Variants in CAPN13 observed in about 807,000 individuals in gnomAD.
CAPN13 encodes the protein calpain-13.
In CAPN13, 90 loss-of-function variants were observed where a neutral mutation model predicts 98.4. That is an observed-to-expected ratio of 0.92 (90% confidence interval 0.77 to 1.09). The LOEUF (loss-of-function observed/expected upper bound fraction) is 1.09, where lower values mean the gene tolerates loss of function less well. Among genes scored for constraint, CAPN13 ranks in the 50% least tolerant of loss-of-function variants. The pLI is 0.00. For synonymous variants in CAPN13, 330 were observed against 305.5 expected (o/e 1.08, Z -0.84); for missense variants, 887 against 841.3 (o/e 1.05, Z -0.67).
chr2:30,737,833 C>A, intron 17 of CAPN13: 1 of 216,498 alleles, frequency 4.6e-6, no homozygotes, highest in Non-Finnish European at 9.5e-6. Context: ...GCTCCAACTT[C>A]AAATCTGAGC....
intron 5 of CAPN13, among the ~76,000 whole-genome samples, chr2:30,765,748 C>T (rs1673077204): frequency 6.6e-6 from 1 of 152,212 alleles, no homozygotes; most frequent in Non-Finnish European, 1.5e-5. Flanking sequence ...CAGGACTCTG[C>T]CCCGGGCACG....
chr2:30,802,036 G>A (rs1485094297), intron 1 of CAPN13, among the ~76,000 whole-genome samples: 2 of 152,160 alleles, frequency 1.3e-5, no homozygotes, highest in Non-Finnish European at 2.9e-5. Flanking sequence ...CAGTAGAGCC[G>A]GCTGATGGAC....
intron 7 of CAPN13, among the ~76,000 whole-genome samples, chr2:30,759,445 A>G (rs1288027316): frequency 6.6e-6 from 1 of 152,234 alleles, no homozygotes; most frequent in African/African-American, 2.4e-5. Context: ...AGGAATTAAA[A>G]TATGACTGAG....
chr2:30,749,366 G>T (rs1365294266), intron 11 of CAPN13, among the ~76,000 whole-genome samples: 4 of 152,176 alleles, frequency 2.6e-5, no homozygotes, highest in Non-Finnish European at 5.9e-5. Context: ...AAGCATTTCT[G>T]ATTAGAGAGA....
At chr2:30,781,082 C>T (rs1673962885) in intron 2 of CAPN13, among the ~76,000 whole-genome samples, 1 of 152,228 alleles carries the variant, frequency 6.6e-6, no homozygotes, top group Non-Finnish European at 1.5e-5. Flanking sequence ...CTTCCCACTA[C>T]TTTGATTTCA....
intron 22 of CAPN13, among the ~76,000 whole-genome samples, chr2:30,727,123 A>AAATG (rs1247291195): frequency 3.3e-5 from 5 of 152,208 alleles, no homozygotes; most frequent in Non-Finnish European, 5.9e-5. Flanking sequence ...GTGCTGGGAC[A>AAATG]AATGAATGAA....
intron 1 of CAPN13, among the ~76,000 whole-genome samples, chr2:30,806,445 T>C (rs778609758): frequency 6.6e-6 from 1 of 152,184 alleles, no homozygotes; most frequent in Non-Finnish European, 1.5e-5. Context: ...ACAATACTTA[T>C]GTCAAGGTGG....
chr2:30,745,803 C>T (rs1433100879), intron 11 of CAPN13, 69 bp from the exon 12 acceptor site: 2 of 1,389,440 alleles, frequency 1.4e-6, no homozygotes, highest in African/African-American at 2.8e-5. Flanking sequence ...CAGAACCGAA[C>T]AGCTTGGCTC....
chr2:30,730,692 T>C (rs999688879), intron 22 of CAPN13, 38 bp downstream of exon 22: 19 of 778,322 alleles, frequency 2.4e-5, no homozygotes, highest in Non-Finnish European at 4.3e-5. Context: ...GGACTCATGC[T>C]CCCAGGAGGG....
intron 7 of CAPN13, among the ~76,000 whole-genome samples, chr2:30,760,049 C>T (rs1178280510): frequency 6.6e-6 from 1 of 152,082 alleles, no homozygotes; most frequent in East Asian, 1.9e-4. Context: ...TCTGCCCTAC[C>T]CTAAGGCACC....
intron 8 of CAPN13, 151 bp downstream of exon 8, chr2:30,757,895 T>G: frequency 4.0e-5 from 23 of 576,030 alleles, no homozygotes; most frequent in East Asian, 6.1e-5. Context: ...CACAGGAGCG[T>G]GAGATGGACC....
At chr2:30,786,307 G>A (rs1674277227) in intron 2 of CAPN13, among the ~76,000 whole-genome samples, 1 of 152,176 alleles carries the variant, frequency 6.6e-6, no homozygotes, top group African/African-American at 2.4e-5. Flanking sequence ...AGGTTATGCT[G>A]GTGCCTACAG....
intron 11 of CAPN13, among the ~76,000 whole-genome samples, chr2:30,748,068 G>A (rs1671999873): frequency 6.6e-6 from 1 of 152,248 alleles, no homozygotes; most frequent in Non-Finnish European, 1.5e-5. Flanking sequence ...TGTGAACAGA[G>A]CCTCAGAAGT....
chr2:30,753,324 C>T, intron 9 of CAPN13, 126 bp from the exon 10 acceptor site: 1 of 925,754 alleles, frequency 1.1e-6, no homozygotes, highest in Non-Finnish European at 1.6e-6. Context: ...GCTCATTCAC[C>T]ATCAAGCACC....
At chr2:30,791,616 T>A (rs924270973) in intron 1 of CAPN13, among the ~76,000 whole-genome samples, 1 of 152,252 alleles carries the variant, frequency 6.6e-6, no homozygotes, top group African/African-American at 2.4e-5. Flanking sequence ...ATATAACCAG[T>A]AAGTCCTTTT....
At chr2:30,806,488 T>C in intron 1 of CAPN13, among the ~76,000 whole-genome samples, 1 of 152,230 alleles carries the variant, frequency 6.6e-6, no homozygotes, top group East Asian at 1.9e-4. Flanking sequence ...GAGGATAATC[T>C]GATTGAAAGT....
At chr2:30,737,805 C>A (rs2609913) in intron 17 of CAPN13, 155,884 of 203,848 alleles carry the variant, frequency 0.76, 60,718 homozygotes, top group African/African-American at 0.9. Context: ...GTTAGAGCAT[C>A]GACTTTGGAG....
At chr2:30,779,559 T>C (rs967218985) in intron 2 of CAPN13, among the ~76,000 whole-genome samples, 2 of 152,154 alleles carry the variant, frequency 1.3e-5, no homozygotes, top group African/African-American at 2.4e-5. Flanking sequence ...GTGTCTGACA[T>C]AGTACATGTT....
Position 30,753,326 on chromosome 2 carries a change from T to C in CAPN13, c.942-128A>G, listed in dbSNP as rs942002438. The C allele has an allele frequency of 2.2e-5, 20 of 911,528 alleles. No homozygotes were observed. In the African/African-American group the frequency reaches 2.8e-4, roughly 13 times the overall value. 56.5% of individuals were successfully genotyped at this position (911,528 alleles called of 1,614,324 possible). ...GTGTCTGATCCTGGCTCATTCACCA[T>C]CAAGCACCCTTCTATCTTTTCAGTC... is the stretch of plus-strand genomic sequence containing the variant. On this transcript the variant is annotated intron_variant, in intron 9 of 22. Transcript: ENST00000295055.
Sources: allele counts gnomAD v4.1 joint callset (sites outside exome capture counted in the v4.1 genomes callset), GRCh38; gene constraint gnomAD v4.1.1; transcripts MANE v1.5; gene names NCBI Gene and HGNC (gene_info 2026-07-23, HGNC 2026-07-21).